The following COL8A1 variants were observed in gnomAD, a reference collection of about 807,000 sequenced individuals.
COL8A1 encodes collagen alpha-1(VIII) chain.
Under a neutral mutation model 42.7 loss-of-function variants are expected in COL8A1, and 21 were observed. That is an observed-to-expected ratio of 0.49 (90% CI 0.35 to 0.71). The LOEUF is 0.71. Among genes scored for constraint, COL8A1 ranks in the 30% least tolerant of loss-of-function variants. COL8A1 has a pLI of 0.01. For missense variants in COL8A1, 788 were observed against 962.4 expected (o/e 0.82, Z 2.40); for synonymous variants, 367 against 369.1 (o/e 0.99, Z 0.06).
At chr3:99,776,774 A>G (rs947298399) in intron 2 of COL8A1, among the ~76,000 whole-genome samples, 3 of 152,188 alleles carry the variant, frequency 2.0e-5, no homozygotes, top group African/African-American at 7.2e-5. Context: ...TTTCTTGATT[A>G]TATGCTAAAC....
chr3:99,656,434 A>G (rs1456296397), intron 1 of COL8A1, among the ~76,000 whole-genome samples: 1 of 152,014 alleles, frequency 6.6e-6, no homozygotes, highest in African/African-American at 2.4e-5. Flanking sequence ...ATTGAATGCA[A>G]CCAAGACCAG....
At chr3:99,788,935 C>T (rs1941946520) in intron 2 of COL8A1, among the ~76,000 whole-genome samples, 1 of 152,128 alleles carries the variant, frequency 6.6e-6, no homozygotes, top group Non-Finnish European at 1.5e-5. Flanking sequence ...TACTCAATAA[C>T]AGTTTACACA....
At chr3:99,738,598 C>T (rs577677287) in intron 1 of COL8A1, among the ~76,000 whole-genome samples, 56 of 152,286 alleles carry the variant, frequency 3.7e-4, no homozygotes, top group African/African-American at 1.3e-3. Context: ...TCTCCAGCTG[C>T]GTGATGGGAG....
At chr3:99,739,759 G>T (rs765860930) in intron 1 of COL8A1, among the ~76,000 whole-genome samples, 29 of 152,182 alleles carry the variant, frequency 1.9e-4, no homozygotes, top group Non-Finnish European at 3.1e-4. Context: ...TGTGATGGGA[G>T]AGGCTGCCAT....
intron 1 of COL8A1, among the ~76,000 whole-genome samples, chr3:99,725,862 C>T (rs560876870): frequency 2.2e-4 from 34 of 152,068 alleles, no homozygotes; most frequent in African/African-American, 7.5e-4. Context: ...GTGAATAGTG[C>T]CGCAATAAAC....
At chr3:99,738,640 G>A (rs1940805150) in intron 1 of COL8A1, among the ~76,000 whole-genome samples, 1 of 152,198 alleles carries the variant, frequency 6.6e-6, no homozygotes, top group African/African-American at 2.4e-5. Context: ...TGTCAGACAG[G>A]GACATTTAAG....
chr3:99,648,105 C>T (rs1038746229), intron 1 of COL8A1, among the ~76,000 whole-genome samples: 8 of 152,092 alleles, frequency 5.3e-5, no homozygotes, highest in African/African-American at 9.7e-5. Flanking sequence ...GTGCTAGTCC[C>T]GTTATCTATA....
intron 2 of COL8A1, among the ~76,000 whole-genome samples, chr3:99,749,379 A>G (rs563332739): frequency 6.6e-6 from 1 of 151,406 alleles, no homozygotes; most frequent in South Asian, 2.1e-4. Flanking sequence ...AACTCAACCT[A>G]TCATGACAGT....
chr3:99,773,199 G>A (rs1401104883), intron 2 of COL8A1, among the ~76,000 whole-genome samples: 1 of 152,180 alleles, frequency 6.6e-6, no homozygotes, highest in East Asian at 1.9e-4. Flanking sequence ...ATTATTAGTA[G>A]AGCGTAATAG....
At chr3:99,774,235 A>AGTAAGAATCTAGTATGGTTCC (rs2107441298) in intron 2 of COL8A1, among the ~76,000 whole-genome samples, 1 of 151,398 alleles carries the variant, frequency 6.6e-6, no homozygotes, top group East Asian at 1.9e-4. Flanking sequence ...AGAACCCAGC[A>AGTAAGAATCTAGTATGGTTCC]GTAAGAATCT....
chr3:99,757,389 T>C (rs1195343709), intron 2 of COL8A1, among the ~76,000 whole-genome samples: 2 of 152,210 alleles, frequency 1.3e-5, no homozygotes, highest in Non-Finnish European at 2.9e-5. Context: ...AACAGATTTT[T>C]ATCTTAGGTT....
At chr3:99,661,902 C>T (rs567447181) in intron 1 of COL8A1, among the ~76,000 whole-genome samples, 3 of 152,070 alleles carry the variant, frequency 2.0e-5, no homozygotes, top group African/African-American at 4.8e-5. Flanking sequence ...ATTTGAGATA[C>T]CTAGAGTAGT....
At chr3:99,758,262 CT>C (rs1215395411) in intron 2 of COL8A1, among the ~76,000 whole-genome samples, 6 of 151,824 alleles carry the variant, frequency 4.0e-5, no homozygotes, top group Non-Finnish European at 7.4e-5. Context: ...AGGTAAAAAC[CT>C]TTTTTTTCTT....
intron 1 of COL8A1, among the ~76,000 whole-genome samples, chr3:99,721,814 G>GA (rs1347030317): frequency 2.0e-5 from 3 of 151,432 alleles, no homozygotes; most frequent in African/African-American, 2.4e-5. Context: ...GCTGATATGT[G>GA]AAAAAACAAA....
At chr3:99,735,169 C>G (rs912684357) in intron 1 of COL8A1, among the ~76,000 whole-genome samples, 10 of 141,276 alleles carry the variant, frequency 7.1e-5, no homozygotes, top group Admixed American at 3.6e-4. Flanking sequence ...TTGCCCTGGC[C>G]AGAACTTCCA....
intron 1 of COL8A1, among the ~76,000 whole-genome samples, chr3:99,701,123 C>G (rs1939524974): frequency 6.6e-6 from 1 of 152,208 alleles, no homozygotes; most frequent in Non-Finnish European, 1.5e-5. Flanking sequence ...GAGAGAGCAT[C>G]TAAAATCATA....
At chr3:99,664,038 T>C (rs1289721471) in intron 1 of COL8A1, among the ~76,000 whole-genome samples, 2 of 152,200 alleles carry the variant, frequency 1.3e-5, no homozygotes, top group Non-Finnish European at 2.9e-5. Context: ...AAATACTCAG[T>C]GTGCATAACA....
chr3:99,794,904 G>C lies in COL8A1; in HGVS notation c.1003G>C (p.Glu335Gln). ...GCCAGGATTTCCAGGTGGCAAAGGGGAGCAAGGACTGCCAGGGCTACCAGG... is the reference window on the plus strand; with the variant it reads ...GCCAGGATTTCCAGGTGGCAAAGGGCAGCAAGGACTGCCAGGGCTACCAGG... ...GQPGFPGGKG[E>Q]QGLPGLPGPP... The change falls in exon 4 of 4, where the codon GAG becomes CAG. Residue 335 changes from glutamate to glutamine, a missense_variant. Glu to Gln is a conservative substitution (Grantham distance 29). Around this residue, in one of 4 missense-constraint regions of COL8A1, gnomAD observed 421 missense variants for 553.1 expected, o/e 0.76. Transcript: ENST00000652472. This position sits in a 1 kb window ranked among gnomAD's most constrained non-coding sequence, Gnocchi z 4.3. 1 of 1,601,212 alleles carries C rather than the reference G, an allele frequency of 6.2e-7. No homozygotes were observed. Among genetic ancestry groups the C allele is most frequent in the Non-Finnish European group, 8.5e-7 (1 of 1,174,622 alleles).
chr3:99,714,438 G>A (rs890067183), intron 1 of COL8A1, among the ~76,000 whole-genome samples: 2 of 152,108 alleles, frequency 1.3e-5, no homozygotes, highest in Admixed American at 1.3e-4. Flanking sequence ...GTGACTCATG[G>A]AGCTCTTGAT....
Sources: allele counts gnomAD v4.1 joint callset (sites outside exome capture counted in the v4.1 genomes callset), GRCh38; gene constraint gnomAD v4.1.1; regional missense constraint gnomAD v4.1.1; non-coding constraint Gnocchi (gnomAD v3.1); transcripts MANE v1.5; gene names NCBI Gene and HGNC (gene_info 2026-07-23, HGNC 2026-07-21).